Variants in TRIP12 observed in about 807,000 individuals in gnomAD.
TRIP12 encodes the protein thyroid hormone receptor interactor 12.
TRIP12 carries 25 observed loss-of-function variants against 244.2 expected under a neutral mutation model. The ratio of observed to expected loss-of-function variants is 0.10; its 90% CI spans 0.07 to 0.14. The LOEUF (loss-of-function observed/expected upper bound fraction) is 0.14, where lower values mean the gene tolerates loss of function less well. TRIP12 is among the 10% of genes least tolerant of loss of function. TRIP12 has a pLI of 1.00. For synonymous variants in TRIP12, 905 were observed against 873.1 expected, an observed-to-expected ratio of 1.04 and a Z score of -0.64; for missense variants, 1,677 against 2,486.4, an observed-to-expected ratio of 0.67 and a Z score of 6.92.
At chr2:229,783,330 G>T (rs1055400025) in intron 34 of TRIP12, among the ~76,000 whole-genome samples, 1 of 152,166 alleles carries the variant, frequency 6.6e-6, no homozygotes, top group South Asian at 2.1e-4. Flanking sequence ...TTGTGATGGA[G>T]ACCATGTGAC....
chr2:229,831,813 T>A (rs2053464918), intron 6 of TRIP12, among the ~76,000 whole-genome samples: 1 of 151,616 alleles, frequency 6.6e-6, no homozygotes, highest in Non-Finnish European at 1.5e-5. Flanking sequence ...AAAACCATAT[T>A]CCTGCAAAAC....
intron 5 of TRIP12, among the ~76,000 whole-genome samples, chr2:229,840,140 AAAC>A (rs1204132977): frequency 4.6e-5 from 7 of 152,222 alleles, no homozygotes; most frequent in Admixed American, 6.5e-5. Flanking sequence ...TACCTTTTAA[AAAC>A]AACCCAAATC....
At chr2:229,886,971 GAC>G (rs1320074465) in intron 1 of TRIP12, among the ~76,000 whole-genome samples, 1 of 152,094 alleles carries the variant, frequency 6.6e-6, no homozygotes, top group African/African-American at 2.4e-5. Context: ...AAGAAATCAT[GAC>G]ACACAGTAAG....
chr2:229,922,833 G>A (rs1464626532), upstream of TRIP12, among the ~76,000 whole-genome samples: 1 of 152,164 alleles, frequency 6.6e-6, no homozygotes, highest in Non-Finnish European at 1.5e-5. Flanking sequence ...AGCCTTCTCT[G>A]CCTCCCCGCG....
At chr2:229,824,244 G>A (rs548250493) in intron 8 of TRIP12, among the ~76,000 whole-genome samples, 10 of 152,076 alleles carry the variant, frequency 6.6e-5, no homozygotes, top group Admixed American at 3.3e-4. Flanking sequence ...AGAAATATAC[G>A]AAGATACATA....
intron 5 of TRIP12, among the ~76,000 whole-genome samples, chr2:229,839,353 A>G (rs1012045396): frequency 6.6e-6 from 1 of 152,122 alleles, no homozygotes; most frequent in African/African-American, 2.4e-5. Context: ...ACCTAATGAC[A>G]CATATCTCAG....
At chr2:229,777,961 G>C (rs1435311982) in intron 36 of TRIP12, among the ~76,000 whole-genome samples, 1 of 152,124 alleles carries the variant, frequency 6.6e-6, no homozygotes, top group African/African-American at 2.4e-5. Context: ...AAGTTCAAGA[G>C]AAAAAGAAAT....
intron 2 of TRIP12, among the ~76,000 whole-genome samples, chr2:229,865,893 G>C (rs2061437555): frequency 6.6e-6 from 1 of 152,024 alleles, no homozygotes. Flanking sequence ...CCTATCTTTA[G>C]TTACACTGAA....
intron 1 of TRIP12, among the ~76,000 whole-genome samples, chr2:229,887,020 C>T (rs980725169): frequency 6.6e-5 from 10 of 151,902 alleles, no homozygotes; most frequent in Non-Finnish European, 1.3e-4. Context: ...TAATAGGGGA[C>T]GGGCTCAGCA....
In TRIP12 at chr2:229,807,787, G is replaced by A. The variant is rs749413035; in HGVS notation, c.2417C>T (p.Thr806Ile). ...ACGCCACTGCCATATCGCACCATCT[G>A]TGTTCTGTGCATTTCCCTTCTTCAA... The part of the protein sequence containing the change: ...TMLKKGNAQN[T>I]DGAIWQWRDD... Residue 806 changes from threonine to isoleucine, a missense_variant, in exon 17 of 42, where the codon ACA becomes ATA. By Grantham distance (89) the Thr-to-Ile change is moderately conservative. This residue lies in a region of TRIP12 where 572 missense variants were observed against 867.8 expected (regional missense o/e 0.66). Transcript: ENST00000675903. 1 of 1,614,114 alleles carries A rather than the reference G, an allele frequency of 6.2e-7. No homozygotes were observed. The highest frequency in any genetic ancestry group is 1.7e-5 in the Admixed American group (1 of 60,012).
intron 4 of TRIP12, among the ~76,000 whole-genome samples, chr2:229,856,663 C>T (rs952604309): frequency 3.3e-5 from 5 of 151,572 alleles, no homozygotes; most frequent in African/African-American, 1.2e-4. Context: ...CAACCTGGCT[C>T]ACTGGCTGTG....
chr2:229,837,045 C>A, intron 5 of TRIP12, 61 bp from the exon 6 acceptor site: 1 of 1,379,564 alleles, frequency 7.2e-7, no homozygotes, highest in Non-Finnish European at 9.4e-7. Flanking sequence ...AATGTATACA[C>A]AACACAAAGC....
Position 229,766,623 on chromosome 2 carries a change from A to T in TRIP12, c.*931T>A, listed in dbSNP as rs1231328010. On this transcript the variant is annotated 3_prime_UTR_variant, in exon 42 of 42. Coordinates refer to ENST00000675903, the MANE Select transcript of TRIP12 (RefSeq NM_001348323.3). ...AAAGGGAAAAAAATTTTTTTACTCC[A>T]ACAGGGAAGGAAAACTGCTTATTTT... The T allele has an allele frequency of 2.0e-5, 3 of 152,224 alleles. No homozygotes were observed. In the East Asian group the frequency reaches 5.8e-4, roughly 29 times the overall value. 9.4% of individuals were successfully genotyped at this position (152,224 alleles called of 1,614,324 possible).
At chr2:229,867,878 T>C (rs2061855928) in intron 2 of TRIP12, among the ~76,000 whole-genome samples, 1 of 152,196 alleles carries the variant, frequency 6.6e-6, no homozygotes, top group African/African-American at 2.4e-5. Flanking sequence ...AGAAAACATA[T>C]AAACTATTAC....
chr2:229,804,279 A>C, intron 18 of TRIP12, 52 bp from the exon 19 acceptor site: 1 of 1,401,352 alleles, frequency 7.1e-7, no homozygotes, highest in African/African-American at 1.4e-5. Flanking sequence ...CAGACTTCAG[A>C]AACACAATAA....
At chr2:229,828,906 C>T (rs1387320681) in intron 8 of TRIP12, among the ~76,000 whole-genome samples, 1 of 152,150 alleles carries the variant, frequency 6.6e-6, no homozygotes, top group Non-Finnish European at 1.5e-5. Flanking sequence ...TTATGACAAA[C>T]TCAAGATTCA....
chr2:229,826,296 C>T (rs10195168), intron 8 of TRIP12, among the ~76,000 whole-genome samples: 2,518 of 152,200 alleles, frequency 0.017, 68 homozygotes, highest in African/African-American at 0.058. Context: ...TAAGAACACA[C>T]TATGACTTTT....
intron 18 of TRIP12, among the ~76,000 whole-genome samples, chr2:229,805,063 G>A (rs183050535): frequency 2.2e-4 from 33 of 152,128 alleles, no homozygotes; most frequent in Middle Eastern, 6.8e-3. Context: ...CCACCACCAC[G>A]CTCGGCTAGT....
Position 229,922,007 on chromosome 2 carries a change from A to C in TRIP12, c.-177T>G, listed in dbSNP as rs1474052987. The C allele has an allele frequency of 1.5e-5, 2 of 130,548 alleles. No homozygotes were observed. Among genetic ancestry groups the C allele is most frequent in the Non-Finnish European group, 3.1e-5 (2 of 64,322 alleles). 8.1% of individuals were successfully genotyped at this position (130,548 alleles called of 1,614,324 possible). On this transcript the variant is annotated 5_prime_UTR_variant, in exon 1 of 42. Coordinates refer to ENST00000675903, the MANE Select transcript of TRIP12 (RefSeq NM_001348323.3). ...TTCCTTCAATTATCAGCTGAGCCGC[A>C]GCACCGCGCCCGGCGTGCGCCTCCG...
Sources: allele counts gnomAD v4.1 joint callset (sites outside exome capture counted in the v4.1 genomes callset), GRCh38; gene constraint gnomAD v4.1.1; regional missense constraint gnomAD v4.1.1; transcripts MANE v1.5; gene names NCBI Gene and HGNC (gene_info 2026-07-23, HGNC 2026-07-21).